The following ACACA variants were observed in gnomAD, a reference collection of about 807,000 sequenced individuals.
The protein encoded by ACACA is acetyl-CoA carboxylase 1.
A neutral mutation model predicts 296.1 loss-of-function variants in ACACA; 103 were observed. The ratio of observed to expected loss-of-function variants is 0.35; its 90% CI spans 0.30 to 0.41. The LOEUF (loss-of-function observed/expected upper bound fraction) is 0.41. Among genes scored for constraint, ACACA ranks in the 10% least tolerant of loss-of-function variants. The probability of loss-of-function intolerance (pLI) is 1.00; values close to 1 mark genes in which losing one functional copy is unlikely to be tolerated. For missense variants in ACACA, 1,554 were observed against 2,989.7 expected, an observed-to-expected ratio of 0.52 and a Z score of 11.20; for synonymous variants, 953 against 1,038.6, an observed-to-expected ratio of 0.92 and a Z score of 1.58.
chr17:37,193,343 T>C, intron 36 of ACACA, 31 bp downstream of exon 36: 1 of 1,531,880 alleles, frequency 6.5e-7, no homozygotes, highest in Non-Finnish European at 9.0e-7. Context: ...AGTAATTTTT[T>C]TTTTTAAATA....
At chr17:37,139,652 G>A (rs1349603773) in intron 45 of ACACA, among the ~76,000 whole-genome samples, 2 of 152,194 alleles carry the variant, frequency 1.3e-5, no homozygotes, top group Non-Finnish European at 2.9e-5. Flanking sequence ...CAAGGCAGAG[G>A]AGGAGAAAGC....
chr17:37,210,751 CAAAAAA>C (rs57591064), intron 29 of ACACA, among the ~76,000 whole-genome samples: 25 of 72,424 alleles, frequency 3.5e-4, no homozygotes, highest in Middle Eastern at 7.8e-3. Context: ...GCTCTATTAC[CAAAAAA>C]AAAAAAAAAA....
chr17:37,366,408 T>C (rs893829257), intron 1 of ACACA, among the ~76,000 whole-genome samples: 9 of 152,096 alleles, frequency 5.9e-5, no homozygotes, highest in African/African-American at 1.9e-4. Context: ...ATCCTTTTAA[T>C]ACCTTGTCTT....
At position 37,151,334 on chromosome 17, in the gene ACACA, T is replaced by G; in HGVS notation, c.5535A>C (p.Ser1845=). ...RGSGMIAGES[S]LAYNEIITIS... ...TGGTAATGATCTCATTATAGGCCAA[T>G]GAGGATTCTCCAGCAATCATTCCAG... Residue 1845 remains serine (S), a synonymous_variant, in exon 44 of 56, where the codon TCA becomes TCC. Transcript: ENST00000616317. 6.2e-7 allele frequency: 1 copy of G among 1,614,084 alleles called. No individual in the cohort carries two copies. Among genetic ancestry groups the G allele is most frequent in the African/African-American group, 1.3e-5 (1 of 75,060 alleles).
chr17:37,322,743 A>T (rs1168463830), intron 3 of ACACA, among the ~76,000 whole-genome samples: 1 of 152,120 alleles, frequency 6.6e-6, no homozygotes, highest in Non-Finnish European at 1.5e-5. Flanking sequence ...AAGGCAGAGA[A>T]AGAGAGGAGG....
intron 1 of ACACA, among the ~76,000 whole-genome samples, chr17:37,389,696 A>AT (rs1437587578): frequency 6.6e-6 from 1 of 152,030 alleles, no homozygotes; most frequent in Non-Finnish European, 1.5e-5. Context: ...CAAAAAAAAA[A>AT]GAAAGAAAAA....
At chr17:37,364,882 T>C (rs1287100412) in intron 1 of ACACA, among the ~76,000 whole-genome samples, 2 of 152,210 alleles carry the variant, frequency 1.3e-5, no homozygotes, top group Non-Finnish European at 2.9e-5. Flanking sequence ...TCCTTGGAAG[T>C]CCCATTTTCT....
intron 50 of ACACA, among the ~76,000 whole-genome samples, chr17:37,117,002 G>C (rs960159684): frequency 6.6e-6 from 1 of 152,174 alleles, no homozygotes; most frequent in Non-Finnish European, 1.5e-5. Flanking sequence ...TAGCATGCTG[G>C]GCAAAGCACA....
At chr17:37,229,327 G>A (rs1276870429) in intron 25 of ACACA, among the ~76,000 whole-genome samples, 1 of 151,786 alleles carries the variant, frequency 6.6e-6, no homozygotes, top group Non-Finnish European at 1.5e-5. Context: ...TTTTTAAGAC[G>A]GAGTCTCTCT....
intron 1 of ACACA, among the ~76,000 whole-genome samples, chr17:37,379,989 G>A (rs1041051244): frequency 3.3e-5 from 5 of 150,158 alleles, no homozygotes; most frequent in East Asian, 1.9e-4. Context: ...TGTTTACTGC[G>A]GCACTATTCA....
intron 2 of ACACA, among the ~76,000 whole-genome samples, chr17:37,337,401 G>C: frequency 6.9e-6 from 1 of 144,152 alleles, no homozygotes; most frequent in East Asian, 2.0e-4. Flanking sequence ...TGGTGACAGA[G>C]CAGGACCCTG....
At chr17:37,241,485 A>T (rs902256420) in intron 23 of ACACA, among the ~76,000 whole-genome samples, 2 of 152,142 alleles carry the variant, frequency 1.3e-5, no homozygotes, top group Non-Finnish European at 2.9e-5. Context: ...CGGGTGGGTC[A>T]TTTGAGCCCA....
intron 3 of ACACA, among the ~76,000 whole-genome samples, chr17:37,287,718 G>C (rs2082849722): frequency 6.6e-6 from 1 of 151,644 alleles, no homozygotes; most frequent in African/African-American, 2.4e-5. Context: ...CCTCCAGCCT[G>C]GGCGACAGAG....
chr17:37,146,176 G>C (rs1452933224), intron 45 of ACACA, among the ~76,000 whole-genome samples: 1 of 152,178 alleles, frequency 6.6e-6, no homozygotes, highest in African/African-American at 2.4e-5. Context: ...AGAGTCTTTG[G>C]AAGCAAAAGA....
intron 2 of ACACA, among the ~76,000 whole-genome samples, chr17:37,336,302 G>C (rs1471344111): frequency 6.6e-6 from 1 of 152,082 alleles, no homozygotes; most frequent in East Asian, 1.9e-4. Flanking sequence ...AGTTAGAGTG[G>C]TTGTTGGCCA....
At chr17:37,254,852 G>A (rs914963896) in intron 14 of ACACA, among the ~76,000 whole-genome samples, 5 of 150,958 alleles carry the variant, frequency 3.3e-5, no homozygotes, top group South Asian at 2.1e-4. Context: ...GTGTGGTGGC[G>A]GGCACTCCAT....
chr17:37,335,181 C>T (rs2048058427), intron 2 of ACACA, among the ~76,000 whole-genome samples: 1 of 152,100 alleles, frequency 6.6e-6, no homozygotes, highest in African/African-American at 2.4e-5. Context: ...TATTTAATAC[C>T]ACCCTGACTG....
intron 19 of ACACA, among the ~76,000 whole-genome samples, chr17:37,245,453 C>G (rs2080647814): frequency 6.6e-6 from 1 of 152,126 alleles, no homozygotes; most frequent in African/African-American, 2.4e-5. Flanking sequence ...ACTTTTACAA[C>G]CATTTTGGCA....
In ACACA at chr17:37,179,323, A is replaced by C; in HGVS notation, c.5016T>G (p.Thr1672=). Residue 1672 remains threonine, a synonymous_variant, in exon 41 of 56, where the codon ACT becomes ACG. Coordinates refer to ENST00000616317, the MANE Select transcript of ACACA (RefSeq NM_198834.3). ...GACCTTGATCATCCAGTACCAGTTCAGTGTAAGTCAGCATGTCAGAAGGCA... is the reference window on the plus strand; with the variant it reads ...GACCTTGATCATCCAGTACCAGTTCCGTGTAAGTCAGCATGTCAGAAGGCA... ...PPLPSDMLTY[T]ELVLDDQGQL... 2 of 1,614,168 alleles carry C rather than the reference A, an allele frequency of 1.2e-6. No individual in the cohort carries two copies. The highest frequency in any genetic ancestry group is 2.2e-5 in the South Asian group (2 of 91,080).
Sources: gnomAD v4.1 joint callset for allele counts (sites outside exome capture counted in the v4.1 genomes callset) on GRCh38, gnomAD v4.1.1 for gene constraint, MANE v1.5 for transcripts, NCBI Gene and HGNC (gene_info 2026-07-23, HGNC 2026-07-21) for gene names.